STXBP5L: variants seen among roughly 807,000 people sequenced by gnomAD.
The protein encoded by STXBP5L is syntaxin-binding protein 5-like.
Under a neutral mutation model 144.5 loss-of-function variants are expected in STXBP5L, and 65 were observed. That is an observed-to-expected ratio of 0.45 (90% CI 0.37 to 0.55). The LOEUF is 0.55. Among genes scored for constraint, STXBP5L ranks in the 20% least tolerant of loss-of-function variants. The pLI, the probability that STXBP5L is intolerant of heterozygous loss-of-function variation, is 0.00. For synonymous variants in STXBP5L, 505 were observed against 469.6 expected, an observed-to-expected ratio of 1.08 and a Z score of -0.97; for missense variants, 1,298 against 1,405.5, an observed-to-expected ratio of 0.92 and a Z score of 1.22.
chr3:121,180,429 A>G (rs1303838480), intron 9 of STXBP5L, among the ~76,000 whole-genome samples: 1 of 152,256 alleles, frequency 6.6e-6, no homozygotes, highest in Non-Finnish European at 1.5e-5. Context: ...TGGAAATGCT[A>G]AAAGGAGTTT....
intron 19 of STXBP5L, among the ~76,000 whole-genome samples, chr3:121,311,763 T>C (rs771407173): frequency 2.0e-5 from 3 of 152,086 alleles, no homozygotes; most frequent in African/African-American, 4.8e-5. Flanking sequence ...AATGGCCATA[T>C]TGCCCAAGGT....
intron 3 of STXBP5L, among the ~76,000 whole-genome samples, chr3:120,978,924 C>T (rs954960295): frequency 6.6e-6 from 1 of 152,090 alleles, no homozygotes; most frequent in Non-Finnish European, 1.5e-5. Flanking sequence ...CAGAGGAGTA[C>T]CCAGCCGTGT....
At chr3:121,380,334 A>T (rs2046293872) in intron 21 of STXBP5L, among the ~76,000 whole-genome samples, 1 of 152,096 alleles carries the variant, frequency 6.6e-6, no homozygotes, top group South Asian at 2.1e-4. Context: ...TAGGAATACT[A>T]TATTTTGTTT....
At chr3:121,195,358 T>A (rs559699638) in intron 9 of STXBP5L, among the ~76,000 whole-genome samples, 10 of 152,200 alleles carry the variant, frequency 6.6e-5, no homozygotes, top group Non-Finnish European at 1.0e-4. Context: ...AAAAATTGAA[T>A]ATATTTAAGG....
At chr3:121,029,660 CA>C (rs1354273608) in intron 3 of STXBP5L, among the ~76,000 whole-genome samples, 1 of 152,028 alleles carries the variant, frequency 6.6e-6, no homozygotes, top group African/African-American at 2.4e-5. Flanking sequence ...GCAATGGCAA[CA>C]AAAGGCAAAA....
intron 10 of STXBP5L, among the ~76,000 whole-genome samples, chr3:121,216,454 T>C (rs1255497197): frequency 1.3e-5 from 2 of 152,242 alleles, no homozygotes; most frequent in African/African-American, 2.4e-5. Flanking sequence ...GCTGCAGTTT[T>C]GCTAGAGTTT....
chr3:121,241,576 A>G (rs2049673397), intron 14 of STXBP5L, among the ~76,000 whole-genome samples: 1 of 152,094 alleles, frequency 6.6e-6, no homozygotes, highest in Non-Finnish European at 1.5e-5. Flanking sequence ...GCTTTGAATC[A>G]TGGTGGGTGA....
chr3:121,087,982 T>C (rs368701661), intron 5 of STXBP5L, among the ~76,000 whole-genome samples: 1 of 152,156 alleles, frequency 6.6e-6, no homozygotes, highest in Non-Finnish European at 1.5e-5. Context: ...TAATAAATTT[T>C]ATTGTTTTTC....
intron 3 of STXBP5L, among the ~76,000 whole-genome samples, chr3:120,987,830 G>T (rs965974003): frequency 6.6e-6 from 1 of 151,710 alleles, no homozygotes; most frequent in African/African-American, 2.4e-5. Flanking sequence ...AAATTAGGAA[G>T]TATTCCTTTT....
intron 10 of STXBP5L, among the ~76,000 whole-genome samples, chr3:121,221,858 T>C (rs184713331): frequency 6.2e-4 from 94 of 151,990 alleles, no homozygotes; most frequent in Non-Finnish European, 1.2e-3. Context: ...TATGTATGTT[T>C]GTATAGAAGC....
At chr3:121,159,831 A>G (rs955752115) in intron 9 of STXBP5L, among the ~76,000 whole-genome samples, 3 of 151,332 alleles carry the variant, frequency 2.0e-5, no homozygotes, top group African/African-American at 4.9e-5. Flanking sequence ...ACGGGGTTTC[A>G]CCGTGTTAGC....
At chr3:121,049,118 G>A (rs1576774459) in intron 5 of STXBP5L, among the ~76,000 whole-genome samples, 5 of 152,174 alleles carry the variant, frequency 3.3e-5, no homozygotes, top group Admixed American at 2.6e-4. Flanking sequence ...GGGAGACACT[G>A]CCCAGAGAAC....
chr3:121,128,742 A>G (rs962523537), intron 7 of STXBP5L, among the ~76,000 whole-genome samples: 1 of 152,026 alleles, frequency 6.6e-6, no homozygotes, highest in African/African-American at 2.4e-5. Context: ...GCTGACTGGG[A>G]TGTTGTTTGC....
intron 19 of STXBP5L, among the ~76,000 whole-genome samples, chr3:121,313,721 G>T (rs2043657075): frequency 1.0e-5 from 1 of 95,810 alleles, no homozygotes; most frequent in Non-Finnish European, 2.2e-5. Flanking sequence ...GGGGCGGCTG[G>T]CCGGGCGGGG....
chr3:120,985,707 T>C (rs975285324), intron 3 of STXBP5L, among the ~76,000 whole-genome samples: 1 of 152,024 alleles, frequency 6.6e-6, no homozygotes, highest in East Asian at 1.9e-4. Flanking sequence ...TTGGTTGATG[T>C]GTAATTGTTA....
chr3:120,990,950 C>G (rs1171310026), intron 3 of STXBP5L, among the ~76,000 whole-genome samples: 5 of 152,300 alleles, frequency 3.3e-5, no homozygotes, highest in African/African-American at 1.2e-4. Flanking sequence ...ACACCAAAAG[C>G]AATGGCAACA....
At position 121,045,530 on chromosome 3, in the gene STXBP5L, G is replaced by T. The variant is rs1223838594; in HGVS notation, c.465G>T (p.Arg155=). ...TACTCCATTCTCTTAAATTTAACCG[G>T]GAACGGTAAGAACCTATGAATTAAA... ...PAILHSLKFN[R]ERITYCHLPF... is the part of the protein sequence containing the mutation. Residue 155 remains arginine, a synonymous_variant, in exon 5 of 27, where the codon CGG becomes CGT. Transcript: ENST00000471454. 1 of 1,609,976 alleles carries T rather than the reference G, an allele frequency of 6.2e-7. No homozygotes were observed. The highest frequency in any genetic ancestry group is 1.3e-5 in the African/African-American group (1 of 74,648).
intron 19 of STXBP5L, among the ~76,000 whole-genome samples, chr3:121,304,810 G>A (rs997447082): frequency 4.0e-5 from 6 of 151,710 alleles, no homozygotes; most frequent in African/African-American, 7.3e-5. Context: ...ACATTAAAAA[G>A]TAAGAGCAAT....
intron 5 of STXBP5L, among the ~76,000 whole-genome samples, chr3:121,095,008 A>G (rs146036482): frequency 0.02 from 3,040 of 152,198 alleles, 41 homozygotes; most frequent in Non-Finnish European, 0.029. Context: ...TCTGTAAAGC[A>G]TATCTGTAAA....
Sources: allele counts gnomAD v4.1 joint callset (sites outside exome capture counted in the v4.1 genomes callset), GRCh38; gene constraint gnomAD v4.1.1; transcripts MANE v1.5; gene names NCBI Gene and HGNC (gene_info 2026-07-23, HGNC 2026-07-21).